The following USP49 variants were observed in gnomAD, a reference collection of about 807,000 sequenced individuals.
USP49 encodes ubiquitin specific peptidase 49.
In USP49, 24 loss-of-function variants were observed where a neutral mutation model predicts 58.6. That is an observed-to-expected ratio of 0.41 (90% confidence interval 0.30 to 0.58). The LOEUF is 0.58. USP49 is among the 20% of genes least tolerant of loss of function. The probability of loss-of-function intolerance (pLI) is 0.30; values close to 1 mark genes in which losing one functional copy is unlikely to be tolerated. For missense variants in USP49, 703 were observed against 866.1 expected (o/e 0.81, Z 2.36); for synonymous variants, 408 against 365.1 (o/e 1.12, Z -1.34).
At position 41,856,592 on chromosome 6, in the gene USP49, G is replaced by A. The variant is rs186591675; in HGVS notation, c.-29+14972C>T. 1.4e-3 allele frequency among the ~76,000 whole-genome samples: 220 copies of A among 152,256 alleles called. 4 individuals are homozygous for A. The highest frequency in any genetic ancestry group is 4.4e-4 in the Non-Finnish European group (30 of 68,022). On this transcript the variant is annotated intron_variant, in intron 3 of 7. Coordinates refer to ENST00000682992, the MANE Select transcript of USP49 (RefSeq NM_001286554.2). ...CTACTGGGGACTCAGAGAAATCACA[G>A]AGGCAGATAAGCCTAGGGGGCATGG...
chr6:41,859,240 C>T (rs144116344), intron 3 of USP49, among the ~76,000 whole-genome samples: 2 of 152,304 alleles, frequency 1.3e-5, no homozygotes, highest in East Asian at 1.9e-4. Context: ...CATGACTATG[C>T]TCCAGCTGTT....
At chr6:41,829,664 C>T (rs1485657972) in intron 3 of USP49, among the ~76,000 whole-genome samples, 1 of 152,158 alleles carries the variant, frequency 6.6e-6, no homozygotes, top group Non-Finnish European at 1.5e-5. Context: ...ATATAGACAG[C>T]TTGGTCCTCT....
intron 3 of USP49, among the ~76,000 whole-genome samples, chr6:41,846,739 T>C (rs1022528151): frequency 6.6e-6 from 1 of 151,880 alleles, no homozygotes; most frequent in Non-Finnish European, 1.5e-5. Context: ...CTTCTTCCTA[T>C]GTAGCATAGC....
In USP49 at chr6:41,805,739, G is replaced by C. The variant is rs758457104; in HGVS notation, c.1245C>G (p.Leu415=). The C allele has an allele frequency of 6.2e-7, 1 of 1,614,008 alleles. No individual in the cohort carries two copies. The highest frequency in any genetic ancestry group is 1.7e-5 in the Admixed American group (1 of 59,996). ...TCCGGCGTGTGGTGCCCTCAGACTCGAGTTCCTGCTGCACCTTGTGCAGCA... is the reference window on the plus strand; with the variant it reads ...TCCGGCGTGTGGTGCCCTCAGACTCCAGTTCCTGCTGCACCTTGTGCAGCA... ...CELLHKVQQE[L]ESEGTTRRIL... Residue 415 remains leucine (L), a synonymous_variant, in exon 4 of 8, where the codon CTC becomes CTG. Coordinates refer to ENST00000682992, the MANE Select transcript of USP49 (RefSeq NM_001286554.2).
chr6:41,850,460 A>AT (rs1561917504), intron 3 of USP49, among the ~76,000 whole-genome samples: 1 of 151,202 alleles, frequency 6.6e-6, no homozygotes, highest in African/African-American at 2.4e-5. Flanking sequence ...AGAAAAAAAA[A>AT]AAAAATAAAT....
rs544967509 is a variant in USP49 at position 41,804,110 on chromosome 6, T to C, written c.1357-100A>G. Reference sequence around the variant, plus strand: ...AGACACACTTTATCAAAACTAAGTGTATAATTTTCAAAAAATAGTAATATT... The same window carrying C: ...AGACACACTTTATCAAAACTAAGTGCATAATTTTCAAAAAATAGTAATATT... On this transcript the variant is annotated intron_variant, in intron 4 of 7. Transcript: ENST00000682992. The C allele has an allele frequency of 4.8e-6, 5 of 1,035,418 alleles. No individual in the cohort carries two copies. The South Asian group carries it at 8.7e-5, about 18-fold the overall frequency. The allele number at this position is 1,035,418 out of a possible 1,614,324, so 64.1% of individuals were successfully genotyped here. A position where few individuals can be genotyped will look rare whatever the true frequency, so the allele number is the denominator to read the frequency against.
At chr6:41,881,888 C>G (rs558369294) in intron 2 of USP49, among the ~76,000 whole-genome samples, 11 of 152,138 alleles carry the variant, frequency 7.2e-5, no homozygotes, top group African/African-American at 2.6e-4. Context: ...CTTTCATACT[C>G]ATGGATATGC....
At chr6:41,886,063 T>C (rs1774705152) in intron 2 of USP49, among the ~76,000 whole-genome samples, 1 of 152,266 alleles carries the variant, frequency 6.6e-6, no homozygotes, top group Non-Finnish European at 1.5e-5. Flanking sequence ...TTCTCATCTT[T>C]ACTTATAAGA....
chr6:41,829,081 G>C (rs138740393), intron 3 of USP49, among the ~76,000 whole-genome samples: 216 of 152,142 alleles, frequency 1.4e-3, no homozygotes, highest in African/African-American at 5.1e-3. Context: ...TGGCTACTAT[G>C]AATAGAATCT....
chr6:41,861,647 T>G (rs908483062), intron 3 of USP49, among the ~76,000 whole-genome samples: 1 of 152,062 alleles, frequency 6.6e-6, no homozygotes, highest in Non-Finnish European at 1.5e-5. Context: ...TATTCTAAAT[T>G]TTTCCTCTTT....
intron 3 of USP49, among the ~76,000 whole-genome samples, chr6:41,843,306 T>C (rs1424891723): frequency 6.6e-6 from 1 of 152,228 alleles, no homozygotes; most frequent in Non-Finnish European, 1.5e-5. Context: ...ACTAAAAGTA[T>C]AAATTAAATT....
intron 3 of USP49, among the ~76,000 whole-genome samples, chr6:41,844,451 T>C (rs1773886144): frequency 6.6e-6 from 1 of 151,854 alleles, no homozygotes; most frequent in Non-Finnish European, 1.5e-5. Context: ...GTAGCTGGGA[T>C]TACAGGCGTC....
rs538618514 is a variant in USP49 at position 41,803,478 on chromosome 6, A to G, written c.1561+328T>C. Among the ~76,000 whole-genome samples the G allele has an allele frequency of 4.6e-5, 7 of 152,116 alleles. No individual in the cohort carries two copies. In the East Asian group the frequency reaches 1.4e-3, roughly 29 times the overall value. On this transcript the variant is annotated intron_variant, in intron 5 of 7. Coordinates refer to ENST00000682992, the MANE Select transcript of USP49 (RefSeq NM_001286554.2). This position sits in a 1 kb window ranked among gnomAD's most constrained non-coding sequence, Gnocchi z 4.1. ...GCCACTATGCCCAGCTAATTTTTGT[A>G]TTTTTAGTAGAGACAGGGTTTCACC...
chr6:41,835,670 C>T (rs574125416), intron 3 of USP49, among the ~76,000 whole-genome samples: 4 of 150,516 alleles, frequency 2.7e-5, no homozygotes, highest in East Asian at 3.9e-4. Context: ...GCCAAGATTG[C>T]GCCACTGCAC....
intron 5 of USP49, among the ~76,000 whole-genome samples, chr6:41,802,460 A>ATTTTTT (rs71545916): frequency 9.8e-5 from 7 of 71,386 alleles, no homozygotes; most frequent in African/African-American, 2.3e-4. Flanking sequence ...TTATTTATTT[A>ATTTTTT]TTTATTTATT....
intron 2 of USP49, among the ~76,000 whole-genome samples, chr6:41,872,451 G>A (rs1038028561): frequency 2.0e-5 from 3 of 152,132 alleles, no homozygotes; most frequent in South Asian, 2.1e-4. Context: ...GTGCCTCTGC[G>A]CGACTGCTGT....
intron 3 of USP49, among the ~76,000 whole-genome samples, chr6:41,821,656 C>A (rs1773454808): frequency 6.6e-6 from 1 of 151,838 alleles, no homozygotes; most frequent in African/African-American, 2.4e-5. Flanking sequence ...CGCCTGTAAT[C>A]CCAGCTACTC....
At chr6:41,828,936 A>ATATGAAGT (rs1193365057) in intron 3 of USP49, among the ~76,000 whole-genome samples, 1 of 152,092 alleles carries the variant, frequency 6.6e-6, no homozygotes, top group East Asian at 1.9e-4. Context: ...AGGGAAAATT[A>ATATGAAGT]CCTCTTTATT....
At chr6:41,859,581 C>T (rs1394234981) in intron 3 of USP49, among the ~76,000 whole-genome samples, 1 of 151,998 alleles carries the variant, frequency 6.6e-6, no homozygotes, top group Non-Finnish European at 1.5e-5. Context: ...GACATCGTGC[C>T]GAGAACAGAG....
Sources: gnomAD v4.1 joint callset for allele counts (sites outside exome capture counted in the v4.1 genomes callset) on GRCh38, gnomAD v4.1.1 for gene constraint, Gnocchi (gnomAD v3.1) non-coding constraint, MANE v1.5 for transcripts, NCBI Gene and HGNC (gene_info 2026-07-23, HGNC 2026-07-21) for gene names.